Variants in ADGB observed in about 807,000 individuals in gnomAD.
ADGB encodes androglobin.
In ADGB, 172 loss-of-function variants were observed where a neutral mutation model predicts 210.5. The observed-to-expected ratio is 0.82, with a 90% confidence interval of 0.72 to 0.93. ADGB has a LOEUF of 0.93. ADGB is among the 40% of genes least tolerant of loss of function. The probability of loss-of-function intolerance (pLI) is 0.00; values close to 1 mark genes in which losing one functional copy is unlikely to be tolerated. For missense variants in ADGB, 2,025 were observed against 1,964.8 expected (o/e 1.03, Z -0.58); for synonymous variants, 658 against 662.7 (o/e 0.99, Z 0.11).
chr6:146,671,401 G>A (rs537268806), intron 7 of ADGB, among the ~76,000 whole-genome samples: 1 of 152,130 alleles, frequency 6.6e-6, no homozygotes, highest in Admixed American at 6.6e-5. Context: ...CGGACACTGT[G>A]TTTTATTTGA....
intron 9 of ADGB, among the ~76,000 whole-genome samples, chr6:146,683,427 A>T (rs1415787912): frequency 2.6e-5 from 4 of 152,142 alleles, no homozygotes; most frequent in African/African-American, 9.6e-5. Context: ...GCACCAGTAT[A>T]GTGATACCAA....
At chr6:146,607,518 C>T (rs916600486) in intron 1 of ADGB, among the ~76,000 whole-genome samples, 2 of 152,054 alleles carry the variant, frequency 1.3e-5, no homozygotes, top group East Asian at 1.9e-4. Context: ...CAGTATAACG[C>T]TGGCTGTAGT....
At chr6:146,747,952 T>C (rs1583620221) in intron 26 of ADGB, among the ~76,000 whole-genome samples, 1 of 151,394 alleles carries the variant, frequency 6.6e-6, no homozygotes, top group East Asian at 2.0e-4. Flanking sequence ...CTAGTTAATT[T>C]TTGTATTTTT....
intron 27 of ADGB, among the ~76,000 whole-genome samples, chr6:146,763,523 T>C (rs2114624807): frequency 6.6e-6 from 1 of 152,248 alleles, no homozygotes; most frequent in African/African-American, 2.4e-5. Context: ...TAGAAAATAA[T>C]TAAAAATTGA....
chr6:146,652,871 C>A (rs1244374320), intron 3 of ADGB, among the ~76,000 whole-genome samples: 1 of 152,092 alleles, frequency 6.6e-6, no homozygotes, highest in Admixed American at 6.6e-5. Flanking sequence ...GGTTTAGCTT[C>A]AGTGGTTGAT....
intron 26 of ADGB, among the ~76,000 whole-genome samples, chr6:146,746,612 C>T (rs879862742): frequency 1.3e-5 from 2 of 152,126 alleles, no homozygotes; most frequent in Non-Finnish European, 1.5e-5. Context: ...TACTATATTC[C>T]CTTTTCTGCA....
chr6:146,708,951 C>T (rs916553438), intron 13 of ADGB, among the ~76,000 whole-genome samples: 5 of 151,952 alleles, frequency 3.3e-5, no homozygotes, highest in African/African-American at 1.2e-4. Context: ...TTCAATTTCA[C>T]AGTTTCTTTC....
At chr6:146,808,530 G>A (rs1355267760) in intron 35 of ADGB, among the ~76,000 whole-genome samples, 2 of 152,170 alleles carry the variant, frequency 1.3e-5, no homozygotes, top group Admixed American at 1.3e-4. Context: ...ACAATGCAAT[G>A]AGTGGATTTA....
At chr6:146,715,728 A>G (rs142592134) in intron 14 of ADGB, among the ~76,000 whole-genome samples, 138 of 152,250 alleles carry the variant, frequency 9.1e-4, no homozygotes, top group African/African-American at 3.1e-3. Context: ...CTTGGCCAAG[A>G]ATTGAATTCA....
At chr6:146,809,741 TG>T (rs1353423356) in intron 35 of ADGB, among the ~76,000 whole-genome samples, 1 of 152,202 alleles carries the variant, frequency 6.6e-6, no homozygotes, top group East Asian at 1.9e-4. Flanking sequence ...AAAATGATGT[TG>T]GGAAAACTAA....
intron 33 of ADGB, among the ~76,000 whole-genome samples, chr6:146,792,603 C>A (rs1181934916): frequency 6.6e-6 from 1 of 151,928 alleles, no homozygotes; most frequent in Non-Finnish European, 1.5e-5. Flanking sequence ...AAGCTCAAGC[C>A]CCAGTTTCAG....
intron 13 of ADGB, among the ~76,000 whole-genome samples, chr6:146,710,955 A>G (rs1162357484): frequency 6.6e-6 from 1 of 152,204 alleles, no homozygotes; most frequent in Non-Finnish European, 1.5e-5. Context: ...CCTAGCATAT[A>G]GCAAACACCA....
At chr6:146,751,272 C>T (rs759038052) in intron 26 of ADGB, among the ~76,000 whole-genome samples, 2 of 152,004 alleles carry the variant, frequency 1.3e-5, no homozygotes, top group East Asian at 3.9e-4. Context: ...AGGATAATGG[C>T]TTCCAGCTTC....
chr6:146,737,336 G>T (rs1777094237), intron 23 of ADGB, among the ~76,000 whole-genome samples: 1 of 152,166 alleles, frequency 6.6e-6, no homozygotes, highest in South Asian at 2.1e-4. Flanking sequence ...CATAGTAGAA[G>T]AAGAGTTTAG....
chr6:146,746,368 CT>C (rs1168028009), intron 26 of ADGB, among the ~76,000 whole-genome samples: 1 of 152,052 alleles, frequency 6.6e-6, no homozygotes, highest in Non-Finnish European at 1.5e-5. Context: ...CATGACATGG[CT>C]TCCTCTTACT....
At chr6:146,802,799 T>C in intron 35 of ADGB, 8 of 1,607,162 alleles carry the variant, frequency 5.0e-6, no homozygotes, top group Non-Finnish European at 6.8e-6. Flanking sequence ...AATCTCTCAA[T>C]GTAACTGTAA....
At chr6:146,764,949 G>T (rs1237413940) in intron 28 of ADGB, among the ~76,000 whole-genome samples, 1 of 151,954 alleles carries the variant, frequency 6.6e-6, no homozygotes, top group Non-Finnish European at 1.5e-5. Context: ...TCAGGTGCCT[G>T]CCACCACACC....
chr6:146,653,083 C>A (rs1324981308), intron 3 of ADGB, among the ~76,000 whole-genome samples: 2 of 152,104 alleles, frequency 1.3e-5, no homozygotes, highest in African/African-American at 4.8e-5. Context: ...ATTCTCACTG[C>A]AGTGTGAAAC....
intron 19 of ADGB, 29 bp downstream of exon 19, chr6:146,726,226 T>C: frequency 7.0e-7 from 1 of 1,422,940 alleles, no homozygotes. Context: ...GCAAGTTATT[T>C]ATTTATTTAT....
Sources: allele counts gnomAD v4.1 joint callset (sites outside exome capture counted in the v4.1 genomes callset), GRCh38; gene constraint gnomAD v4.1.1; transcripts MANE v1.5; gene names NCBI Gene and HGNC (gene_info 2026-07-23, HGNC 2026-07-21).